Variants in PCDHGB2 observed in about 807,000 individuals in gnomAD.
PCDHGB2 encodes the protein protocadherin gamma-B2.
Under a neutral mutation model 59.3 loss-of-function variants are expected in PCDHGB2, and 55 were observed. The observed-to-expected ratio is 0.93, with a 90% confidence interval of 0.75 to 1.16. PCDHGB2 has a LOEUF of 1.16. Among genes scored for constraint, PCDHGB2 ranks in the 50% most tolerant of loss-of-function variants. The pLI, the probability that PCDHGB2 is intolerant of heterozygous loss-of-function variation, is 0.00. For missense variants in PCDHGB2, 1,228 were observed against 1,198.5 expected, an observed-to-expected ratio of 1.02 and a Z score of -0.36; for synonymous variants, 516 against 512.0, an observed-to-expected ratio of 1.01 and a Z score of -0.11.
At chr5:141,369,807 C>A (rs998139632) in intron 1 of PCDHGB2, among the ~76,000 whole-genome samples, 1 of 152,130 alleles carries the variant, frequency 6.6e-6, no homozygotes, top group Non-Finnish European at 1.5e-5. Flanking sequence ...CTGCCATCAC[C>A]AAAAATAGCT....
At chr5:141,362,958 G>GA (rs1467174022) in intron 1 of PCDHGB2, among the ~76,000 whole-genome samples, 3 of 152,188 alleles carry the variant, frequency 2.0e-5, no homozygotes, top group Admixed American at 6.5e-5. Context: ...TGGAAATTGG[G>GA]AAACAAAGAA....
intron 1 of PCDHGB2, among the ~76,000 whole-genome samples, chr5:141,470,290 C>T (rs1226383020): frequency 1.3e-5 from 2 of 152,148 alleles, no homozygotes; most frequent in Non-Finnish European, 2.9e-5. Context: ...TATTGGTTAA[C>T]TGTTTTTATT....
At chr5:141,410,340 T>C (rs1408707323) in intron 1 of PCDHGB2, 5 of 1,614,068 alleles carry the variant, frequency 3.1e-6, no homozygotes, top group Non-Finnish European at 2.5e-6. Context: ...GCCATTGCCT[T>C]GCGCCTGCGA....
In PCDHGB2 at chr5:141,493,548, G is replaced by A. The variant is rs1243278355; in HGVS notation, c.2422-1259G>A. 3.9e-5 allele frequency among the ~76,000 whole-genome samples: 6 copies of A among 152,196 alleles called. No homozygotes were observed. ...AAACTTGGCCAGTTATCCTTTTGGA[G>A]ATTGAGTTCCCCCAGCTCCGTTTCC... On this transcript the variant is annotated intron_variant, in intron 1 of 3. Coordinates refer to ENST00000522605, the MANE Select transcript of PCDHGB2 (RefSeq NM_018923.3). This position sits in a 1 kb window ranked among gnomAD's most constrained non-coding sequence, Gnocchi z 4.3.
intron 1 of PCDHGB2, chr5:141,427,870 C>A (rs773176633): frequency 3.2e-6 from 5 of 1,558,750 alleles, no homozygotes; most frequent in Non-Finnish European, 4.4e-6. Context: ...TTCGAGCTCA[C>A]GATGCAGGCC....
At chr5:141,398,827 G>A in intron 1 of PCDHGB2, 1 of 1,613,982 alleles carries the variant, frequency 6.2e-7, no homozygotes, top group East Asian at 2.2e-5. Flanking sequence ...CCAGGTAACC[G>A]ACGCCAATGA....
At chr5:141,445,573 A>G (rs1311326050) in intron 1 of PCDHGB2, among the ~76,000 whole-genome samples, 1 of 152,248 alleles carries the variant, frequency 6.6e-6, no homozygotes, top group Admixed American at 6.5e-5. Flanking sequence ...AGCTTATAGT[A>G]GGGAAGCTTC....
At chr5:141,371,947 G>C in intron 1 of PCDHGB2, 1 of 1,613,300 alleles carries the variant, frequency 6.2e-7, no homozygotes, top group Non-Finnish European at 8.5e-7. Context: ...TTCGCGCAGC[G>C]AGCCTTCGAC....
intron 1 of PCDHGB2, among the ~76,000 whole-genome samples, chr5:141,443,477 C>T (rs1279226136): frequency 6.6e-6 from 1 of 152,116 alleles, no homozygotes; most frequent in Non-Finnish European, 1.5e-5. Flanking sequence ...CAGAATTAGA[C>T]CCTGTCCCAA....
In PCDHGB2 at chr5:141,486,474, C is replaced by T. The variant is rs1594589698; in HGVS notation, c.2422-8333C>T. On this transcript the variant is annotated intron_variant, in intron 1 of 3. Transcript: ENST00000522605. This position sits in a 1 kb window ranked among gnomAD's most constrained non-coding sequence, Gnocchi z 5.0. ...ACTGCTTCTGATGCTGGGAACCCTCCTCTCAGTACCCACAGAACTATTTTC... is the reference window on the plus strand; with the variant it reads ...ACTGCTTCTGATGCTGGGAACCCTCTTCTCAGTACCCACAGAACTATTTTC... 1 of 1,614,016 alleles carries T rather than the reference C, an allele frequency of 6.2e-7. No homozygotes were observed. Among genetic ancestry groups the T allele is most frequent in the South Asian group, 1.1e-5 (1 of 91,082 alleles).
At chr5:141,492,385 G>A (rs1224771842) in intron 1 of PCDHGB2, among the ~76,000 whole-genome samples, 1 of 152,208 alleles carries the variant, frequency 6.6e-6, no homozygotes, top group Non-Finnish European at 1.5e-5. Context: ...GGCCTGTTCC[G>A]GTCCACTCGC....
At chr5:141,474,126 A>G (rs1450071391) in intron 1 of PCDHGB2, among the ~76,000 whole-genome samples, 2 of 152,232 alleles carry the variant, frequency 1.3e-5, no homozygotes, top group African/African-American at 4.8e-5. Context: ...AAAATCTCAG[A>G]AAACTACAGG....
At chr5:141,466,384 T>C (rs1209046694) in intron 1 of PCDHGB2, among the ~76,000 whole-genome samples, 9 of 152,168 alleles carry the variant, frequency 5.9e-5, no homozygotes, top group Non-Finnish European at 1.3e-4. Context: ...ACCCATCTAA[T>C]GGAAAGTTTG....
intron 1 of PCDHGB2, among the ~76,000 whole-genome samples, chr5:141,494,397 A>G (rs965158973): frequency 7.2e-5 from 11 of 152,208 alleles, no homozygotes; most frequent in African/African-American, 2.4e-4. Flanking sequence ...GAATAAATTC[A>G]TTCTAGGGCT....
chr5:141,365,164 C>T lies in PCDHGB2; in HGVS notation c.2421+2608C>T, dbSNP rs548514157. The T allele has an allele frequency of 2.2e-5, 35 of 1,613,882 alleles. No individual in the cohort carries two copies. The East Asian group carries it at 7.1e-4, about 33-fold the overall frequency. On this transcript the variant is annotated intron_variant, in intron 1 of 3. Coordinates refer to ENST00000522605, the MANE Select transcript of PCDHGB2 (RefSeq NM_018923.3). ...ATGAGGGAATAAACGGGAAATTGAC[C>T]TACTCTTTTCGCAATGAAGAAGAAA...
chr5:141,487,831 A>T lies in PCDHGB2; in HGVS notation c.2422-6976A>T. 2 of 1,144,322 alleles carry T rather than the reference A, an allele frequency of 1.7e-6. No individual in the cohort carries two copies. Among genetic ancestry groups the T allele is most frequent in the Non-Finnish European group, 2.4e-6 (2 of 818,294 alleles). 70.9% of individuals were successfully genotyped at this position (1,144,322 alleles called of 1,614,324 possible). ...TTAGCATTGGGGGCGGGTCATGCCT[A>T]TATCTGAGTAAGAAATGAAAGTAAT... On this transcript the variant is annotated intron_variant, in intron 1 of 3. Transcript: ENST00000522605. The surrounding 1 kb of genome is among the most constrained non-coding windows in gnomAD (Gnocchi z 5.0).
In PCDHGB2 at chr5:141,373,351, T is replaced by A. The variant is rs147280674; in HGVS notation, c.2421+10795T>A. Among the ~76,000 whole-genome samples, 5 of 152,328 alleles carry A rather than the reference T, an allele frequency of 3.3e-5. No homozygotes were observed. In the East Asian group the frequency reaches 7.7e-4, roughly 23 times the overall value. On this transcript the variant is annotated intron_variant, in intron 1 of 3. Transcript: ENST00000522605. ...GCATCTAAAATGGCAACTCTTGTAA[T>A]GGGCACTGTAATGAATTGGTTCAAA...
intron 1 of PCDHGB2, among the ~76,000 whole-genome samples, chr5:141,456,572 C>T (rs958661783): frequency 6.6e-6 from 1 of 152,168 alleles, no homozygotes; most frequent in Non-Finnish European, 1.5e-5. Flanking sequence ...CCACATTTTC[C>T]CTGAGCCTGT....
intron 1 of PCDHGB2, chr5:141,423,253 C>T (rs750278899): frequency 6.2e-7 from 1 of 1,613,916 alleles, no homozygotes; most frequent in Non-Finnish European, 8.5e-7. Flanking sequence ...CCTGGCGGAC[C>T]TCGGCAGCCT....
Sources: gnomAD v4.1 joint callset for allele counts (sites outside exome capture counted in the v4.1 genomes callset) on GRCh38, gnomAD v4.1.1 for gene constraint, Gnocchi (gnomAD v3.1) non-coding constraint, MANE v1.5 for transcripts, NCBI Gene and HGNC (gene_info 2026-07-23, HGNC 2026-07-21) for gene names.